Variants in SARAF observed in about 807,000 individuals in gnomAD.
SARAF encodes the protein store-operated calcium entry associated regulatory factor.
In SARAF, 23 loss-of-function variants were observed where a neutral mutation model predicts 39.7. The observed-to-expected ratio is 0.58, with a 90% confidence interval of 0.42 to 0.82. The LOEUF is 0.82. SARAF is among the 40% of genes least tolerant of loss of function. The pLI, the probability that SARAF is intolerant of heterozygous loss-of-function variation, is 0.00. For synonymous variants in SARAF, 175 were observed against 168.5 expected (o/e 1.04, Z -0.30); for missense variants, 384 against 418.5 (o/e 0.92, Z 0.72).
chr8:30,064,558 T>TAC (rs1801635866), intron 5 of SARAF, among the ~76,000 whole-genome samples: 1 of 11,730 alleles, frequency 8.5e-5, no homozygotes, highest in African/African-American at 2.5e-4. Flanking sequence ...TATATATATA[T>TAC]ATATTTTTTT....
At chr8:30,067,087 T>C in intron 3 of SARAF, 169 bp from the exon 4 acceptor site, 1 of 700,988 alleles carries the variant, frequency 1.4e-6, no homozygotes, top group Non-Finnish European at 2.3e-6. Context: ...AATACTGGTT[T>C]ATAATGAGGG....
chr8:30,070,127 G>A (rs1801803621), intron 2 of SARAF, 68 bp from the exon 3 acceptor site: 1 of 1,434,360 alleles, frequency 7.0e-7, no homozygotes, highest in Non-Finnish European at 9.4e-7. Flanking sequence ...TGTTACTTGG[G>A]GGCCGGGCGC....
intron 3 of SARAF, among the ~76,000 whole-genome samples, chr8:30,068,843 T>C (rs931099047): frequency 6.6e-6 from 1 of 152,192 alleles, no homozygotes; most frequent in African/African-American, 2.4e-5. Context: ...TAATAGTGCC[T>C]TTTGATGATT....
Position 30,073,754 on chromosome 8 carries a change from T to C in SARAF, c.282+123A>G, listed in dbSNP as rs1585440525. The C allele has an allele frequency of 5.6e-6, 4 of 714,962 alleles. No individual in the cohort carries two copies. In the East Asian group the frequency reaches 1.1e-4, roughly 20 times the overall value. 44.3% of individuals were successfully genotyped at this position (714,962 alleles called of 1,614,324 possible). A position where few individuals can be genotyped will look rare whatever the true frequency, so the allele number is the denominator to read the frequency against. On this transcript the variant is annotated intron_variant, in intron 2 of 5. Coordinates refer to ENST00000256255, the MANE Select transcript of SARAF (RefSeq NM_016127.6). The stretch of plus-strand genomic sequence containing the variant: ...CCACAGGAAGAGTGATTGATTTACT[T>C]ACATATTTTAGGCTGATCTGAGATT...
intron 1 of SARAF, among the ~76,000 whole-genome samples, chr8:30,080,678 T>G (rs1452282246): frequency 6.6e-6 from 1 of 152,240 alleles, no homozygotes; most frequent in African/African-American, 2.4e-5. Flanking sequence ...GAAAATTCAT[T>G]GGTAATCTCT....
chr8:30,065,834 A>G (rs3817172), intron 5 of SARAF, 154 bp downstream of exon 5: 47,880 of 838,008 alleles, frequency 0.057, 1,608 homozygotes, highest in African/African-American at 0.11. Context: ...AAGAATGTTT[A>G]AAAGTGGGAT....
chr8:30,065,965 G>C, intron 5 of SARAF, 23 bp downstream of exon 5: 1 of 1,548,878 alleles, frequency 6.5e-7, no homozygotes, highest in Middle Eastern at 1.7e-4. Context: ...TAGGTAAAAG[G>C]AACTTGTATT....
intron 2 of SARAF, among the ~76,000 whole-genome samples, chr8:30,072,550 A>G (rs902773205): frequency 6.6e-6 from 1 of 152,198 alleles, no homozygotes; most frequent in Non-Finnish European, 1.5e-5. Context: ...CTAAACTTGT[A>G]TTGGTATTTC....
chr8:30,066,876 C>T lies in SARAF; in HGVS notation c.743G>A (p.Ser248Asn). The change falls in exon 4 of 6, where the codon AGT becomes AAT. Residue 248 changes from serine (S) to asparagine (N), a missense_variant. Transcript: ENST00000256255. ...ATATCCTTGTTGTCCTGTAAAAGCA[C>T]TGCCAAAACCAGAAGTTGCACCATG... is the stretch of plus-strand genomic sequence containing the variant. ...TGHGATSGFG[S>N]AFTGQQGYEN... 6 of 1,614,146 alleles carry T rather than the reference C, an allele frequency of 3.7e-6. No individual in the cohort carries two copies. In the South Asian group the frequency reaches 6.6e-5, roughly 18 times the overall value.
intron 5 of SARAF, among the ~76,000 whole-genome samples, chr8:30,064,211 A>C (rs73565730): frequency 2.6e-5 from 4 of 152,090 alleles, no homozygotes; most frequent in African/African-American, 9.7e-5. Flanking sequence ...TCAAAGTCTA[A>C]GCCAAAAAGA....
chr8:30,078,987 T>C (rs1376723484), intron 1 of SARAF, among the ~76,000 whole-genome samples: 1 of 151,870 alleles, frequency 6.6e-6, no homozygotes, highest in African/African-American at 2.4e-5. Flanking sequence ...TGAAACCCCA[T>C]CTCTACTAAT....
At chr8:30,070,117 T>G (rs1801803186) in intron 2 of SARAF, 58 bp from the exon 3 acceptor site, 2 of 1,459,302 alleles carry the variant, frequency 1.4e-6, no homozygotes, top group East Asian at 4.5e-5. Flanking sequence ...ATTTAATATA[T>G]GTTACTTGGG....
At chr8:30,066,227 ATATCTT>A in intron 4 of SARAF, 88 bp from the exon 5 acceptor site, 1 of 1,320,464 alleles carries the variant, frequency 7.6e-7, no homozygotes, top group Non-Finnish European at 1.0e-6. Context: ...TCAGAAAAAA[ATATCTT>A]TATCAAGTAT....
At chr8:30,072,464 G>GT (rs1269833928) in intron 2 of SARAF, among the ~76,000 whole-genome samples, 2 of 152,120 alleles carry the variant, frequency 1.3e-5, no homozygotes, top group East Asian at 3.9e-4. Flanking sequence ...TTTTGTTGCT[G>GT]TTACTACACT....
intron 1 of SARAF, 65 bp downstream of exon 1, chr8:30,082,782 C>T (rs902529936): frequency 7.5e-7 from 1 of 1,341,242 alleles, no homozygotes; most frequent in East Asian, 2.8e-5. Flanking sequence ...CGCAGGGGAG[C>T]CTGCACCGGC....
intron 1 of SARAF, among the ~76,000 whole-genome samples, chr8:30,080,734 G>C (rs1323283103): frequency 6.6e-6 from 1 of 152,200 alleles, no homozygotes; most frequent in Non-Finnish European, 1.5e-5. Context: ...ACTGCTCAAT[G>C]TGAGCTAAAG....
intron 1 of SARAF, chr8:30,082,552 G>A: frequency 3.0e-6 from 1 of 329,864 alleles, no homozygotes; most frequent in South Asian, 5.3e-5. Context: ...GTTATACTCA[G>A]AGATGAGAAA....
chr8:30,082,507 C>T (rs775601373), intron 1 of SARAF: 2 of 225,082 alleles, frequency 8.9e-6, no homozygotes, highest in Non-Finnish European at 1.8e-5. Flanking sequence ...GCCATAACAA[C>T]AAAGCAGATG....
chr8:30,066,629 G>T, intron 4 of SARAF, 148 bp downstream of exon 4: 1 of 937,118 alleles, frequency 1.1e-6, no homozygotes, highest in Non-Finnish European at 1.6e-6. Flanking sequence ...AACAAATATA[G>T]TGTACCTTCC....
Sources: gnomAD v4.1 joint callset for allele counts (sites outside exome capture counted in the v4.1 genomes callset) on GRCh38, gnomAD v4.1.1 for gene constraint, MANE v1.5 for transcripts, NCBI Gene and HGNC (gene_info 2026-07-23, HGNC 2026-07-21) for gene names.